DNER: variants seen among roughly 807,000 people sequenced by gnomAD.
DNER encodes the protein delta/notch like EGF repeat containing.
DNER carries 33 observed loss-of-function variants against 78.2 expected under a neutral mutation model. That is an observed-to-expected ratio of 0.42 (90% CI 0.32 to 0.56). The LOEUF is 0.56. Among genes scored for constraint, DNER ranks in the 20% least tolerant of loss-of-function variants. The pLI is 0.11. For synonymous variants in DNER, 417 were observed against 384.8 expected, an observed-to-expected ratio of 1.08 and a Z score of -0.98; for missense variants, 918 against 975.3, an observed-to-expected ratio of 0.94 and a Z score of 0.78.
chr2:229,407,938 C>G lies in DNER; in HGVS notation c.1610-593G>C, dbSNP rs147393337. On this transcript the variant is annotated intron_variant, in intron 9 of 12. Transcript: ENST00000341772. The stretch of plus-strand genomic sequence containing the variant: ...CAGATGAGGAAACTGAGGAAAGAGT[C>G]GAAGATCACAAGCCTGGTAAGAAAG... Among the ~76,000 whole-genome samples, 578 of 152,228 alleles carry G rather than the reference C, an allele frequency of 3.8e-3. 10 individuals carry two copies. Among genetic ancestry groups the G allele is most frequent in the African/African-American group, 0.013 (543 of 41,530 alleles).
intron 1 of DNER, among the ~76,000 whole-genome samples, chr2:229,633,964 A>G (rs2154215826): frequency 6.6e-6 from 1 of 152,354 alleles, no homozygotes; most frequent in African/African-American, 2.4e-5. Flanking sequence ...ACTGGCTTAG[A>G]AAATAGGATA....
rs751947942 is a variant in DNER, at chr2:229,482,594, T to C, written c.1148-5341A>G. ...CTCATAGGCATCAGTATTGTTTTCA[T>C]GCTGTGGCCTCAGGACCAGAAAGAA... On this transcript the variant is annotated intron_variant, in intron 6 of 12. Coordinates refer to ENST00000341772, the MANE Select transcript of DNER (RefSeq NM_139072.4). 1.9e-3 allele frequency among the ~76,000 whole-genome samples: 285 copies of C among 152,302 alleles called. 7 individuals are homozygous for C. The highest frequency in any genetic ancestry group is 2.2e-4 in the Non-Finnish European group (15 of 68,022).
chr2:229,477,725 A>C (rs1395905874), intron 6 of DNER, among the ~76,000 whole-genome samples: 1 of 152,220 alleles, frequency 6.6e-6, no homozygotes. Context: ...TTTTAGAGCT[A>C]GAATAACCCA....
At chr2:229,467,001 A>T (rs1694819375) in intron 7 of DNER, among the ~76,000 whole-genome samples, 1 of 152,160 alleles carries the variant, frequency 6.6e-6, no homozygotes, top group African/African-American at 2.4e-5. Context: ...GGGAAAAAAA[A>T]TCACGAAAAT....
chr2:229,698,687 T>C (rs1699698211), intron 1 of DNER, among the ~76,000 whole-genome samples: 1 of 152,056 alleles, frequency 6.6e-6, no homozygotes, highest in African/African-American at 2.4e-5. Context: ...GCTCCAAAAT[T>C]TCCACCCTCC....
intron 7 of DNER, 97 bp downstream of exon 7, chr2:229,477,043 T>C: frequency 1.1e-6 from 1 of 921,104 alleles, no homozygotes; most frequent in Non-Finnish European, 1.6e-6. Flanking sequence ...GAAGTTCTCT[T>C]GTGTAGAGTT....
intron 8 of DNER, among the ~76,000 whole-genome samples, chr2:229,427,536 G>A (rs551244379): frequency 1.3e-5 from 2 of 152,248 alleles, no homozygotes; most frequent in African/African-American, 4.8e-5. Flanking sequence ...GGAAGTATAA[G>A]CAATGAGGGG....
chr2:229,713,912 A>G (rs1175752432), intron 1 of DNER, among the ~76,000 whole-genome samples: 2 of 151,796 alleles, frequency 1.3e-5, no homozygotes, highest in African/African-American at 2.4e-5. Flanking sequence ...CGAGCCCCGG[A>G]GCGGCACACC....
At chr2:229,560,011 T>C (rs1286059763) in intron 4 of DNER, among the ~76,000 whole-genome samples, 1 of 152,152 alleles carries the variant, frequency 6.6e-6, no homozygotes, top group Non-Finnish European at 1.5e-5. Flanking sequence ...TTGGTGCAAA[T>C]GCAAAGCTGA....
At chr2:229,411,354 C>T (rs1323597962) in intron 9 of DNER, among the ~76,000 whole-genome samples, 2 of 152,026 alleles carry the variant, frequency 1.3e-5, no homozygotes, top group East Asian at 1.9e-4. Flanking sequence ...GTCAGGAGTT[C>T]GAGACCAGCC....
chr2:229,648,415 T>C (rs929852458), intron 1 of DNER, among the ~76,000 whole-genome samples: 1 of 152,250 alleles, frequency 6.6e-6, no homozygotes, highest in African/African-American at 2.4e-5. Flanking sequence ...GCATATACTA[T>C]CCCTGGAGTA....
At chr2:229,485,065 A>G (rs1177573827) in intron 6 of DNER, among the ~76,000 whole-genome samples, 1 of 152,250 alleles carries the variant, frequency 6.6e-6, no homozygotes, top group Non-Finnish European at 1.5e-5. Context: ...ATTCAAAAAC[A>G]GATGACTATT....
At chr2:229,629,134 C>CTG (rs1253512654) in intron 1 of DNER, among the ~76,000 whole-genome samples, 2 of 152,178 alleles carry the variant, frequency 1.3e-5, no homozygotes, top group Admixed American at 6.5e-5. Flanking sequence ...AATTTAGTAA[C>CTG]TGTGCCTCTG....
At chr2:229,466,777 A>G (rs1694815711) in intron 7 of DNER, among the ~76,000 whole-genome samples, 1 of 152,210 alleles carries the variant, frequency 6.6e-6, no homozygotes, top group Non-Finnish European at 1.5e-5. Context: ...ATACTTAAAA[A>G]TATAGAACAT....
rs112680143 is a variant in DNER, at chr2:229,584,893, C to CAA, written c.847+963_847+964dup. On this transcript the variant is annotated intron_variant, in intron 4 of 12. Coordinates refer to ENST00000341772, the MANE Select transcript of DNER (RefSeq NM_139072.4). Reference sequence around the variant, plus strand: ...AGGTTGCAGTGAGCTGAGATCGTCCCAAAAAAAAAAAAAAAAAAGAAGAAG... The same window carrying CAA: ...AGGTTGCAGTGAGCTGAGATCGTCCCAAAAAAAAAAAAAAAAAAAAGAAGAAG... 6.2e-3 allele frequency among the ~76,000 whole-genome samples: 377 copies of CAA among 60,750 alleles called. 4 individuals are homozygous for CAA. Among genetic ancestry groups the CAA allele is most frequent in the African/African-American group, 0.019 (350 of 18,336 alleles). The allele number at this position is 60,750 out of a possible 152,430, so 39.9% of individuals were successfully genotyped here. A position where few individuals can be genotyped will look rare whatever the true frequency, so the allele number is the denominator to read the frequency against.
At chr2:229,417,913 T>C (rs544651897) in intron 9 of DNER, among the ~76,000 whole-genome samples, 195 bp downstream of exon 9, 10 of 152,346 alleles carry the variant, frequency 6.6e-5, no homozygotes, top group Admixed American at 4.6e-4. Context: ...GAAAGGGGGT[T>C]GTTTCTCAAT....
intron 7 of DNER, among the ~76,000 whole-genome samples, chr2:229,467,342 C>A (rs1430889931): frequency 6.6e-6 from 1 of 152,128 alleles, no homozygotes; most frequent in East Asian, 1.9e-4. Flanking sequence ...GGTATCAGGT[C>A]ACAGGAGATG....
At chr2:229,383,291 C>T (rs545401568) in intron 11 of DNER, among the ~76,000 whole-genome samples, 84 of 152,290 alleles carry the variant, frequency 5.5e-4, no homozygotes, top group Admixed American at 1.8e-3. Context: ...AAAACCAGTA[C>T]CAGCCACTGC....
At chr2:229,558,979 A>G (rs1172209084) in intron 4 of DNER, among the ~76,000 whole-genome samples, 1 of 152,196 alleles carries the variant, frequency 6.6e-6, no homozygotes, top group Non-Finnish European at 1.5e-5. Context: ...GGGGAATAAC[A>G]CACGACTGGT....
Sources: gnomAD v4.1 joint callset for allele counts (sites outside exome capture counted in the v4.1 genomes callset) on GRCh38, gnomAD v4.1.1 for gene constraint, MANE v1.5 for transcripts, NCBI Gene and HGNC (gene_info 2026-07-23, HGNC 2026-07-21) for gene names.